Variants in TCF20 observed in about 807,000 individuals in gnomAD.
TCF20 encodes SPRE-binding protein.
TCF20 carries 3 observed loss-of-function variants against 148.6 expected under a neutral mutation model. That is an observed-to-expected ratio of 0.02 (90% CI 0.01 to 0.05). The LOEUF (loss-of-function observed/expected upper bound fraction) is 0.05. Ranked by LOEUF, TCF20 falls within the 10% of genes least tolerant of loss-of-function variation. The probability of loss-of-function intolerance (pLI) is 1.00; values close to 1 mark genes in which losing one functional copy is unlikely to be tolerated. For synonymous variants in TCF20, 1,049 were observed against 909.5 expected (o/e 1.15, Z -2.76); for missense variants, 2,350 against 2,429.3 (o/e 0.97, Z 0.69).
chr22:42,160,906 T>A lies in TCF20; in HGVS notation c.*497A>T, dbSNP rs184029050. ...CACACACACCCCGTCCTTCATGAGA[T>A]GAGGGTTTGTTCAGTTCAATCTCAC... is the stretch of plus-strand genomic sequence containing the variant. On this transcript the variant is annotated 3_prime_UTR_variant, in exon 6 of 6. Coordinates refer to ENST00000677622, the MANE Select transcript of TCF20 (RefSeq NM_001378418.1). 1 of 155,478 alleles carries A rather than the reference T, an allele frequency of 6.4e-6. No homozygotes were observed. Among genetic ancestry groups the A allele is most frequent in the East Asian group, 1.9e-4 (1 of 5,338 alleles). 9.6% of individuals were successfully genotyped at this position (155,478 alleles called of 1,614,324 possible).
chr22:42,207,508 C>T (rs1938467358), intron 2 of TCF20, among the ~76,000 whole-genome samples: 1 of 152,200 alleles, frequency 6.6e-6, no homozygotes, highest in African/African-American at 2.4e-5. Flanking sequence ...TAAAACATCT[C>T]TTTCTCTCTT....
At chr22:42,161,971 T>TA in intron 5 of TCF20, among the ~76,000 whole-genome samples, 1 of 112,304 alleles carries the variant, frequency 8.9e-6, no homozygotes, top group South Asian at 3.2e-4. Flanking sequence ...CTAATGACAG[T>TA]CTTTTTTTTT....
intron 1 of TCF20, among the ~76,000 whole-genome samples, chr22:42,245,101 GA>G (rs923367806): frequency 6.6e-6 from 1 of 151,594 alleles, no homozygotes; most frequent in African/African-American, 2.4e-5. Flanking sequence ...AAAAGAAAAA[GA>G]AAAAAAATCT....
chr22:42,243,116 T>C (rs149824473), intron 1 of TCF20, among the ~76,000 whole-genome samples: 168 of 151,584 alleles, frequency 1.1e-3, no homozygotes, highest in African/African-American at 4.0e-3. Flanking sequence ...TATAATACTG[T>C]ATTAGCAGAT....
chr22:42,160,649 A>AT lies in TCF20; in HGVS notation c.*753_*754insA, dbSNP rs1935384337. Reference sequence around the variant, plus strand: ...CCCAAAAAGAAAAAATTAAAAAAAAAAAACCATAAATAAATAGTGTTTCTG... The same window carrying AT: ...CCCAAAAAGAAAAAATTAAAAAAAAATAAACCATAAATAAATAGTGTTTCTG... On this transcript the variant is annotated 3_prime_UTR_variant, in exon 6 of 6. Transcript: ENST00000677622. The AT allele has an allele frequency of 6.6e-6, 1 of 152,578 alleles. No individual in the cohort carries two copies. Among genetic ancestry groups the AT allele is most frequent in the African/African-American group, 2.4e-5 (1 of 41,404 alleles). The allele number at this position is 152,578 out of a possible 1,614,324, so 9.5% of individuals were successfully genotyped here.
chr22:42,269,593 G>A (rs1229547660), intron 1 of TCF20, among the ~76,000 whole-genome samples: 1 of 152,212 alleles, frequency 6.6e-6, no homozygotes, highest in Non-Finnish European at 1.5e-5. Flanking sequence ...CCGAAAAAGG[G>A]ACGAAAGCCT....
At chr22:42,295,353 C>G (rs1601696791) in intron 1 of TCF20, among the ~76,000 whole-genome samples, 1 of 152,284 alleles carries the variant, frequency 6.6e-6, no homozygotes, top group African/African-American at 2.4e-5. Context: ...GCCTTCTGGT[C>G]CTTCCCACCT....
At chr22:42,167,198 C>A (rs1338897917) in intron 5 of TCF20, among the ~76,000 whole-genome samples, 1 of 152,218 alleles carries the variant, frequency 6.6e-6, no homozygotes, top group African/African-American at 2.4e-5. Flanking sequence ...CCCTACTCCC[C>A]GGAAGAGGAA....
At position 42,213,412 on chromosome 22, in the gene TCF20, G is replaced by T. The variant is rs1378093754; in HGVS notation, c.1894C>A (p.Pro632Thr). The T allele has an allele frequency of 2.5e-6, 4 of 1,614,052 alleles. No homozygotes were observed. The African/African-American group carries it at 4.0e-5, about 16-fold the overall frequency. The change falls in exon 2 of 6, where the codon CCT becomes ACT. Residue 632 changes from proline to threonine, a missense_variant. Around this residue, in one of 7 missense-constraint regions of TCF20, gnomAD observed 1,641 missense variants for 1,662.6 expected, o/e 0.99. Transcript: ENST00000677622. ...GQDKGSQEDD[P>T]AATQRPPSNG... ...CTAGGTGGCCTTTGAGTGGCTGCAGGATCATCCTCTTGGGAGCCTTTATCT... is the reference window on the plus strand; with the variant it reads ...CTAGGTGGCCTTTGAGTGGCTGCAGTATCATCCTCTTGGGAGCCTTTATCT...
chr22:42,164,363 C>T (rs1435375305), intron 5 of TCF20, among the ~76,000 whole-genome samples: 1 of 152,000 alleles, frequency 6.6e-6, no homozygotes, highest in African/African-American at 2.4e-5. Flanking sequence ...TACAGGCGCC[C>T]ACCACCACGC....
chr22:42,232,175 T>C (rs1013353079), intron 1 of TCF20, among the ~76,000 whole-genome samples: 7 of 152,132 alleles, frequency 4.6e-5, no homozygotes, highest in African/African-American at 1.7e-4. Flanking sequence ...AGATACATAC[T>C]TACCACTCTT....
chr22:42,216,413 T>C (rs574491757), intron 1 of TCF20, among the ~76,000 whole-genome samples: 93 of 152,270 alleles, frequency 6.1e-4, no homozygotes, highest in South Asian at 1.7e-3. Context: ...AATTGCCAAC[T>C]ACCTGTGATG....
upstream of TCF20, among the ~76,000 whole-genome samples, chr22:42,284,833 C>T (rs1463853160): frequency 6.6e-6 from 1 of 152,254 alleles, no homozygotes; most frequent in Non-Finnish European, 1.5e-5. Context: ...CCCCTTCCTA[C>T]CCCATGGCAA....
chr22:42,161,282 G>C lies in TCF20; in HGVS notation c.*121C>G. The C allele has an allele frequency of 1.2e-6, 2 of 1,610,302 alleles. No individual in the cohort carries two copies. The highest frequency in any genetic ancestry group is 1.7e-6 in the Non-Finnish European group (2 of 1,178,188). ...CGCGGGCGGGGCGGGGCGGGGCAGG[G>C]CAGGGTGTGGCTGCACGGTAGGACG... On this transcript the variant is annotated 3_prime_UTR_variant, in exon 6 of 6. Coordinates refer to ENST00000677622, the MANE Select transcript of TCF20 (RefSeq NM_001378418.1).
At chr22:42,232,616 A>G (rs1005402319) in intron 1 of TCF20, among the ~76,000 whole-genome samples, 1 of 152,018 alleles carries the variant, frequency 6.6e-6, no homozygotes, top group African/African-American at 2.4e-5. Flanking sequence ...TCACGAGGTC[A>G]GGAGATCGAG....
At chr22:42,172,224 G>A (rs1265479776) in intron 3 of TCF20, among the ~76,000 whole-genome samples, 1 of 152,216 alleles carries the variant, frequency 6.6e-6, no homozygotes, top group African/African-American at 2.4e-5. Context: ...GTTCCTGGCA[G>A]GGGCCAGAAC....
chr22:42,277,849 C>T (rs1926814153), intron 1 of TCF20, among the ~76,000 whole-genome samples: 1 of 152,194 alleles, frequency 6.6e-6, no homozygotes. Flanking sequence ...TGTGAGTTTC[C>T]ATATCCCTCT....
chr22:42,305,516 AC>A (rs1477615166), intron 1 of TCF20, among the ~76,000 whole-genome samples: 2 of 152,044 alleles, frequency 1.3e-5, no homozygotes, highest in African/African-American at 2.4e-5. Context: ...CACCTGGCTC[AC>A]CCCACCAGAA....
chr22:42,265,806 T>A (rs990266658), intron 1 of TCF20, among the ~76,000 whole-genome samples: 1 of 152,222 alleles, frequency 6.6e-6, no homozygotes, highest in African/African-American at 2.4e-5. Flanking sequence ...TAGTGCATTG[T>A]AAACTAGTCA....
Sources: allele counts gnomAD v4.1 joint callset (sites outside exome capture counted in the v4.1 genomes callset), GRCh38; gene constraint gnomAD v4.1.1; regional missense constraint gnomAD v4.1.1; transcripts MANE v1.5; gene names NCBI Gene and HGNC (gene_info 2026-07-23, HGNC 2026-07-21).